Variants in ARHGEF7 observed in about 807,000 individuals in gnomAD.
ARHGEF7 encodes PAK-interacting exchange factor beta.
ARHGEF7 carries 33 observed loss-of-function variants against 109.8 expected under a neutral mutation model. The observed-to-expected ratio is 0.30, with a 90% CI of 0.23 to 0.40. The LOEUF (loss-of-function observed/expected upper bound fraction) is 0.40, where lower values mean the gene tolerates loss of function less well. Ranked by LOEUF, ARHGEF7 falls within the 10% of genes least tolerant of loss-of-function variation. ARHGEF7 has a pLI of 1.00. For synonymous variants in ARHGEF7, 458 were observed against 424.6 expected, an observed-to-expected ratio of 1.08 and a Z score of -0.97; for missense variants, 938 against 1,098.5, an observed-to-expected ratio of 0.85 and a Z score of 2.07.
At chr13:111,178,074 G>A (rs1232788196) in intron 2 of ARHGEF7, among the ~76,000 whole-genome samples, 2 of 152,190 alleles carry the variant, frequency 1.3e-5, no homozygotes, top group African/African-American at 2.4e-5. Flanking sequence ...ACTGAGGCTA[G>A]TAAAGCAGGG....
At chr13:111,153,500 C>A (rs1023377357) in intron 1 of ARHGEF7, 50 of 452,464 alleles carry the variant, frequency 1.1e-4, no homozygotes, top group Non-Finnish European at 1.5e-4. Context: ...CCGGTGGGCT[C>A]CCTCTACCGG....
At chr13:111,174,833 G>A (rs1452788619) in intron 2 of ARHGEF7, among the ~76,000 whole-genome samples, 1 of 151,188 alleles carries the variant, frequency 6.6e-6, no homozygotes, top group Non-Finnish European at 1.5e-5. Flanking sequence ...GAAGCAGTTT[G>A]CTGATAACTC....
chr13:111,196,106 C>T (rs942575741), intron 2 of ARHGEF7, among the ~76,000 whole-genome samples: 3 of 152,196 alleles, frequency 2.0e-5, no homozygotes, highest in Non-Finnish European at 4.4e-5. Context: ...TTAAGGCCTC[C>T]TGTAGCCAGT....
chr13:111,209,885 G>A lies in ARHGEF7; in HGVS notation c.351G>A (p.Gly117=). 6.2e-7 allele frequency: 1 copy of A among 1,614,192 alleles called. No individual in the cohort carries two copies. Among genetic ancestry groups the A allele is most frequent in the Non-Finnish European group, 8.5e-7 (1 of 1,180,036 alleles). Residue 117 remains glycine (G), a synonymous_variant, in exon 4 of 22, where the codon GGG becomes GGA. Coordinates refer to ENST00000646102, the MANE Select transcript of ARHGEF7 (RefSeq NM_001354046.2). ...LNKVTADIGL[G]SDSVCARPSS... ...TGCTCTTTGCAGACATCGGGCTGGG[G>A]AGTGACTCCGTGTGTGCCCGGCCCT...
chr13:111,191,588 TA>T (rs1256559032), intron 2 of ARHGEF7, among the ~76,000 whole-genome samples: 1 of 152,168 alleles, frequency 6.6e-6, no homozygotes, highest in Non-Finnish European at 1.5e-5. Context: ...AGTGGCTACG[TA>T]AGCAGAGATT....
At chr13:111,198,283 T>C (rs2080795642) in intron 2 of ARHGEF7, among the ~76,000 whole-genome samples, 1 of 151,916 alleles carries the variant, frequency 6.6e-6, no homozygotes, top group Non-Finnish European at 1.5e-5. Context: ...GCAAAAGGGG[T>C]CCGATGATAC....
At chr13:111,182,942 A>C (rs1350158119) in intron 2 of ARHGEF7, among the ~76,000 whole-genome samples, 1 of 152,178 alleles carries the variant, frequency 6.6e-6, no homozygotes, top group African/African-American at 2.4e-5. Context: ...GTGTGAGATG[A>C]TTTTGCCCAA....
At chr13:111,194,666 A>T (rs1050626500) in intron 2 of ARHGEF7, among the ~76,000 whole-genome samples, 5 of 152,210 alleles carry the variant, frequency 3.3e-5, no homozygotes, top group Non-Finnish European at 7.3e-5. Flanking sequence ...TGGTAGCCCA[A>T]AGTAAATCAT....
intron 6 of ARHGEF7, among the ~76,000 whole-genome samples, chr13:111,235,968 A>G (rs1360832201): frequency 6.6e-6 from 1 of 152,244 alleles, no homozygotes; most frequent in Non-Finnish European, 1.5e-5. Context: ...AGTTGAGAGA[A>G]GAGTATTCCA....
At chr13:111,158,829 AC>A (rs2076537830) in intron 2 of ARHGEF7, among the ~76,000 whole-genome samples, 1 of 152,250 alleles carries the variant, frequency 6.6e-6, no homozygotes, top group South Asian at 2.1e-4. Context: ...TCGGGAATGA[AC>A]ATATCCGTTA....
At chr13:111,188,261 C>T (rs2079475914) in intron 2 of ARHGEF7, among the ~76,000 whole-genome samples, 2 of 152,226 alleles carry the variant, frequency 1.3e-5, no homozygotes, top group South Asian at 4.1e-4. Flanking sequence ...ACAGCTTCAG[C>T]TGACATCTCA....
chr13:111,265,424 A>G, intron 8 of ARHGEF7: 1 of 365,098 alleles, frequency 2.7e-6, no homozygotes, highest in Admixed American at 3.4e-5. Context: ...TGTGTTTTGA[A>G]CATGAGGTTT....
At chr13:111,247,441 A>G (rs1015050873) in intron 8 of ARHGEF7, among the ~76,000 whole-genome samples, 3 of 151,328 alleles carry the variant, frequency 2.0e-5, no homozygotes, top group Admixed American at 1.3e-4. Context: ...GCTAATTTTT[A>G]TGTATTTTTA....
At chr13:111,165,268 G>T (rs983913574) in intron 2 of ARHGEF7, among the ~76,000 whole-genome samples, 3 of 152,216 alleles carry the variant, frequency 2.0e-5, no homozygotes, top group Admixed American at 6.5e-5. Flanking sequence ...CTTAGCCCCA[G>T]ATTCCTCTCC....
intron 2 of ARHGEF7, among the ~76,000 whole-genome samples, chr13:111,168,441 G>A (rs776860127): frequency 6.6e-6 from 1 of 152,162 alleles, no homozygotes; most frequent in Non-Finnish European, 1.5e-5. Flanking sequence ...AACACGAGTG[G>A]AGAGTTGACA....
intron 2 of ARHGEF7, among the ~76,000 whole-genome samples, chr13:111,171,374 T>C (rs1227068540): frequency 6.6e-6 from 1 of 152,224 alleles, no homozygotes; most frequent in Non-Finnish European, 1.5e-5. Flanking sequence ...AGAGTGTGGC[T>C]GCTCAGTGCT....
intron 19 of ARHGEF7, among the ~76,000 whole-genome samples, chr13:111,296,955 G>A (rs980568275): frequency 6.6e-6 from 1 of 152,160 alleles, no homozygotes; most frequent in Non-Finnish European, 1.5e-5. Flanking sequence ...CCTCTGTTAT[G>A]GATTTTAAAT....
intron 6 of ARHGEF7, among the ~76,000 whole-genome samples, chr13:111,238,594 T>C (rs1335941340): frequency 6.6e-6 from 1 of 152,216 alleles, no homozygotes; most frequent in Non-Finnish European, 1.5e-5. Context: ...TGTGACCTGA[T>C]GTGCCCGAGC....
chr13:111,244,003 G>A (rs765148434), intron 7 of ARHGEF7, 37 bp downstream of exon 7: 3 of 1,516,198 alleles, frequency 2.0e-6, no homozygotes, highest in Non-Finnish European at 2.7e-6. Flanking sequence ...CTGTAAAATA[G>A]TCTAAACCTT....
Sources: allele counts gnomAD v4.1 joint callset (sites outside exome capture counted in the v4.1 genomes callset), GRCh38; gene constraint gnomAD v4.1.1; transcripts MANE v1.5; gene names NCBI Gene and HGNC (gene_info 2026-07-23, HGNC 2026-07-21).